MTG1: variants seen among roughly 807,000 people sequenced by gnomAD.
MTG1 encodes mitochondrial ribosome-associated GTPase 1.
A neutral mutation model predicts 39.5 loss-of-function variants in MTG1; 30 were observed. That is an observed-to-expected ratio of 0.76 (90% confidence interval 0.57 to 1.03). MTG1 has a LOEUF of 1.03. Ranked by LOEUF, MTG1 falls within the 50% of genes least tolerant of loss-of-function variation. The pLI is 0.00. For synonymous variants in MTG1, 217 were observed against 179.0 expected, an observed-to-expected ratio of 1.21 and a Z score of -1.69; for missense variants, 513 against 447.4, an observed-to-expected ratio of 1.15 and a Z score of -1.32.
intron 6 of MTG1, 51 bp from the exon 7 acceptor site, chr10:133,401,478 A>T (rs940646331): frequency 6.8e-7 from 1 of 1,471,288 alleles, no homozygotes; most frequent in Non-Finnish European, 9.2e-7. Flanking sequence ...CTTGTTCTGC[A>T]GCTTCTGTGT....
chr10:133,402,377 C>T lies in MTG1; in HGVS notation c.670+132C>T, dbSNP rs1849895284. On this transcript the variant is annotated intron_variant, in intron 8 of 10. Transcript: ENST00000317502. This position sits in a 1 kb window ranked among gnomAD's most constrained non-coding sequence, Gnocchi z 4.7. ...TTTGACCTGGTTGCTGCCAGACCTTCCTCGAAGCTTAGTGTGAGAGCTGTA... is the reference window on the plus strand; with the variant it reads ...TTTGACCTGGTTGCTGCCAGACCTTTCTCGAAGCTTAGTGTGAGAGCTGTA... The T allele has an allele frequency of 2.9e-6, 3 of 1,051,048 alleles. No homozygotes were observed. The highest frequency in any genetic ancestry group is 4.3e-6 in the Non-Finnish European group (3 of 700,362). The allele number at this position is 1,051,048 out of a possible 1,614,324, so 65.1% of individuals were successfully genotyped here. A position where few individuals can be genotyped will look rare whatever the true frequency, so the allele number is the denominator to read the frequency against.
chr10:133,410,389 C>T (rs1850027836), intron 9 of MTG1, among the ~76,000 whole-genome samples: 1 of 152,104 alleles, frequency 6.6e-6, no homozygotes, highest in South Asian at 2.1e-4. Context: ...GAATATAGTA[C>T]ATTTGCTTTC....
chr10:133,411,696 C>G (rs1369989518), intron 9 of MTG1, among the ~76,000 whole-genome samples: 2 of 151,996 alleles, frequency 1.3e-5, no homozygotes, highest in Admixed American at 1.3e-4. Context: ...TTCAGGCTCA[C>G]TGATTTTTTC....
In MTG1 at chr10:133,394,216, C is replaced by G; in HGVS notation, c.-5C>G. On this transcript the variant is annotated 5_prime_UTR_variant, in exon 1 of 11. Transcript: ENST00000317502. ...TGCGGGAGCGTTTCCGGGGACGGTG[C>G]CGCCATGAGATTGACCCCGCGCGCG... 6.6e-7 allele frequency: 1 copy of G among 1,514,202 alleles called. No individual in the cohort carries two copies. Among genetic ancestry groups the G allele is most frequent in the Non-Finnish European group, 8.8e-7 (1 of 1,135,522 alleles). 93.8% of individuals were successfully genotyped at this position (1,514,202 alleles called of 1,614,324 possible).
In MTG1 at chr10:133,406,326, C is replaced by T. The variant is rs1043118351; in HGVS notation, c.752+3553C>T. Among the ~76,000 whole-genome samples, 22 of 152,070 alleles carry T rather than the reference C, an allele frequency of 1.4e-4. 2 individuals are homozygous for T. The highest frequency in any genetic ancestry group is 9.2e-4 in the Admixed American group (14 of 15,270). On this transcript the variant is annotated intron_variant, in intron 9 of 10. Coordinates refer to ENST00000317502, the MANE Select transcript of MTG1 (RefSeq NM_138384.4). ...TTTCGTTTCTTGCTTCGGGTCTTGCCGTGCCGTCCAGGCTGAGTGCAGTGG... is the reference window on the plus strand; with the variant it reads ...TTTCGTTTCTTGCTTCGGGTCTTGCTGTGCCGTCCAGGCTGAGTGCAGTGG...
intron 9 of MTG1, among the ~76,000 whole-genome samples, chr10:133,416,963 C>T (rs1175917406): frequency 6.6e-6 from 1 of 151,568 alleles, no homozygotes; most frequent in Non-Finnish European, 1.5e-5. Flanking sequence ...GTTCTAGATC[C>T]CTGAGGAATC....
Position 133,396,261 on chromosome 10 carries a change from G to A in MTG1, c.276G>A (p.Glu92=). 18 of 1,613,832 alleles carry A rather than the reference G, an allele frequency of 1.1e-5. No individual in the cohort carries two copies. Among genetic ancestry groups the A allele is most frequent in the Non-Finnish European group, 1.5e-5 (18 of 1,179,696 alleles). ...AGATGGACTTGGCGGATCTTACAGA[G>A]CAGCAGGTAAAGGCCTTTCTCTCAG... is the stretch of plus-strand genomic sequence containing the variant. ...LNKMDLADLT[E]QQKIMQHLEG... is the part of the protein sequence containing the mutation. Residue 92 remains glutamate, a synonymous_variant, in exon 3 of 11, where the codon GAG becomes GAA. Coordinates refer to ENST00000317502, the MANE Select transcript of MTG1 (RefSeq NM_138384.4).
intron 10 of MTG1, 43 bp downstream of exon 10, chr10:133,419,635 C>T (rs1418822079): frequency 2.0e-6 from 3 of 1,501,266 alleles, no homozygotes; most frequent in Non-Finnish European, 1.8e-6. Flanking sequence ...CTCACCCCAT[C>T]ACCCTGGGGG....
At chr10:133,409,045 G>T (rs1850008240) in intron 9 of MTG1, among the ~76,000 whole-genome samples, 1 of 148,430 alleles carries the variant, frequency 6.7e-6, no homozygotes, top group Non-Finnish European at 1.5e-5. Context: ...TTTCTGCTCT[G>T]GTCTCCTGAT....
At chr10:133,395,256 A>T (rs989227503) in intron 1 of MTG1, among the ~76,000 whole-genome samples, 2 of 152,124 alleles carry the variant, frequency 1.3e-5, no homozygotes, top group Admixed American at 1.3e-4. Flanking sequence ...TTAGCCCGGC[A>T]TGGTGGCGCG....
intron 9 of MTG1, among the ~76,000 whole-genome samples, chr10:133,412,121 G>GT (rs144798218): frequency 2.6e-5 from 4 of 151,888 alleles, no homozygotes; most frequent in African/African-American, 4.8e-5. Context: ...TCTGCCTGGA[G>GT]TTTTTTTCAC....
At chr10:133,410,297 T>A (rs1850026452) in intron 9 of MTG1, among the ~76,000 whole-genome samples, 1 of 152,190 alleles carries the variant, frequency 6.6e-6, no homozygotes, top group African/African-American at 2.4e-5. Context: ...CCTCAGATGA[T>A]CTTTCCACAT....
intron 5 of MTG1, 120 bp from the exon 6 acceptor site, chr10:133,399,409 T>C: frequency 8.3e-7 from 1 of 1,210,382 alleles, no homozygotes; most frequent in South Asian, 1.3e-5. Flanking sequence ...AGCCTCGGCG[T>C]TAACCTCCCT....
chr10:133,394,610 C>G, intron 1 of MTG1: 1 of 1,295,178 alleles, frequency 7.7e-7, no homozygotes, highest in Non-Finnish European at 9.8e-7. Flanking sequence ...GGCCCGCCGC[C>G]CCTGTCCTCT....
At position 133,419,483 on chromosome 10, in the gene MTG1, C is replaced by A. The variant is rs145143920; in HGVS notation, c.756C>A (p.Tyr252Ter). ...CTGACCTGCAGCCTATGTGCAGGTA[C>A]GTGCAGCACTACGGCCTGGGCAGTG... ...YTLNKHQRFG[Y>*]VQHYGLGSAC... Residue 252 changes from tyrosine (Y) to a stop codon, truncating the protein, a stop_gained, in exon 10 of 11, where the codon TAC becomes TAA. Transcript: ENST00000317502. LOFTEE classifies it high-confidence loss of function. The A allele has an allele frequency of 6.3e-7, 1 of 1,594,760 alleles. No homozygotes were observed. Among genetic ancestry groups the A allele is most frequent in the Non-Finnish European group, 8.5e-7 (1 of 1,171,320 alleles).
At chr10:133,414,688 G>A (rs534044094) in intron 9 of MTG1, among the ~76,000 whole-genome samples, 169 of 151,972 alleles carry the variant, frequency 1.1e-3, no homozygotes, top group Non-Finnish European at 2.0e-3. Context: ...GACGATGGGC[G>A]GCCAGGCAGA....
rs865947400 is a variant in MTG1, at chr10:133,394,262, C to A, written c.42C>A (p.Ala14=). 13 of 1,517,878 alleles carry A rather than the reference C, an allele frequency of 8.6e-6. No individual in the cohort carries two copies. The highest frequency in any genetic ancestry group is 2.9e-5 in the African/African-American group (2 of 69,562). 94.0% of individuals were successfully genotyped at this position (1,517,878 alleles called of 1,614,324 possible). A position where few individuals can be genotyped will look rare whatever the true frequency, so the allele number is the denominator to read the frequency against. Residue 14 remains alanine (A), a synonymous_variant, in exon 1 of 11, where the codon GCC becomes GCA. Coordinates refer to ENST00000317502, the MANE Select transcript of MTG1 (RefSeq NM_138384.4). ...GCGCGCTGTGCAGCGCCGCCCAGGC[C>A]GCCTGGCGGGAGAACTTCCCCCTGT... ...TPRALCSAAQ[A]AWRENFPLCG...
At chr10:133,396,919 G>A (rs747468974) in intron 3 of MTG1, among the ~76,000 whole-genome samples, 3 of 152,270 alleles carry the variant, frequency 2.0e-5, no homozygotes, top group South Asian at 2.1e-4. Context: ...GTGGTCTAGC[G>A]GTAGCGTCAG....
chr10:133,410,449 C>T (rs1023585377), intron 9 of MTG1, among the ~76,000 whole-genome samples: 17 of 152,250 alleles, frequency 1.1e-4, no homozygotes, highest in African/African-American at 3.6e-4. Flanking sequence ...TGCTTGTTTT[C>T]TGATTGTAAC....
Sources: allele counts gnomAD v4.1 joint callset (sites outside exome capture counted in the v4.1 genomes callset), GRCh38; gene constraint gnomAD v4.1.1; non-coding constraint Gnocchi (gnomAD v3.1); transcripts MANE v1.5; gene names NCBI Gene and HGNC (gene_info 2026-07-23, HGNC 2026-07-21).